The following AGBL1 variants were observed in gnomAD, a reference collection of about 807,000 sequenced individuals.
AGBL1 encodes the protein cytosolic carboxypeptidase 4.
In AGBL1, 130 loss-of-function variants were observed where a neutral mutation model predicts 118.9. The ratio of observed to expected loss-of-function variants is 1.09; its 90% CI spans 0.95 to 1.26. The LOEUF is 1.26. Ranked by LOEUF, AGBL1 falls within the 50% of genes most tolerant of loss-of-function variation. The probability of loss-of-function intolerance (pLI) is 0.00; values close to 1 mark genes in which losing one functional copy is unlikely to be tolerated. For synonymous variants in AGBL1, 555 were observed against 478.9 expected, an observed-to-expected ratio of 1.16 and a Z score of -2.08; for missense variants, 1,584 against 1,298.1, an observed-to-expected ratio of 1.22 and a Z score of -3.38.
intron 18 of AGBL1, among the ~76,000 whole-genome samples, chr15:86,482,836 A>G (rs1222807668): frequency 2.0e-5 from 3 of 151,914 alleles, no homozygotes; most frequent in Non-Finnish European, 4.4e-5. Context: ...CAAAAGCTTC[A>G]TCAGCCAAGC....
At chr15:86,228,348 C>A (rs1177978753) in intron 6 of AGBL1, among the ~76,000 whole-genome samples, 1 of 152,176 alleles carries the variant, frequency 6.6e-6, no homozygotes, top group Non-Finnish European at 1.5e-5. Flanking sequence ...AGGCACACTC[C>A]TTTTAGCTGG....
intron 17 of AGBL1, among the ~76,000 whole-genome samples, chr15:86,356,355 T>TGTGTGCGC (rs151263305): frequency 2.7e-5 from 4 of 150,906 alleles, no homozygotes; most frequent in Non-Finnish European, 5.9e-5. Flanking sequence ...TGTGTGTGTG[T>TGTGTGCGC]GCGCGTGCGC....
At chr15:86,428,345 A>G (rs1388488582) in intron 18 of AGBL1, among the ~76,000 whole-genome samples, 2 of 152,330 alleles carry the variant, frequency 1.3e-5, no homozygotes, top group East Asian at 3.9e-4. Context: ...TGACAGCACA[A>G]TTAACTATCC....
At chr15:86,508,869 T>TA (rs1024307950) in intron 18 of AGBL1, among the ~76,000 whole-genome samples, 10 of 152,144 alleles carry the variant, frequency 6.6e-5, no homozygotes, top group Non-Finnish European at 4.4e-5. Context: ...GAACTGCTTT[T>TA]AAAAAATGCA....
chr15:86,411,833 T>G (rs367831209), intron 18 of AGBL1, among the ~76,000 whole-genome samples: 14 of 152,308 alleles, frequency 9.2e-5, no homozygotes, highest in African/African-American at 3.4e-4. Context: ...GAGTGGAGCT[T>G]AAAGAAGGGG....
intron 22 of AGBL1, among the ~76,000 whole-genome samples, chr15:86,868,784 TA>T (rs1378689254): frequency 2.6e-5 from 4 of 152,250 alleles, no homozygotes; most frequent in African/African-American, 9.6e-5. Context: ...GAACCACTAG[TA>T]GATATTGGTG....
intron 17 of AGBL1, among the ~76,000 whole-genome samples, chr15:86,370,001 T>C (rs1036302091): frequency 7.9e-5 from 12 of 152,166 alleles, no homozygotes; most frequent in Admixed American, 7.9e-4. Flanking sequence ...TTATCAGCAA[T>C]TTAAAAAATC....
intron 21 of AGBL1, among the ~76,000 whole-genome samples, chr15:86,603,148 G>A (rs1210653593): frequency 6.6e-6 from 1 of 152,066 alleles, no homozygotes; most frequent in African/African-American, 2.4e-5. Flanking sequence ...TTTATTCTCA[G>A]AACTCAAGAT....
At chr15:86,280,177 G>T (rs1181244593) in intron 16 of AGBL1, among the ~76,000 whole-genome samples, 1 of 152,208 alleles carries the variant, frequency 6.6e-6, no homozygotes, top group African/African-American at 2.4e-5. Context: ...CAGTCATTCA[G>T]AGGAATGGAG....
intron 6 of AGBL1, among the ~76,000 whole-genome samples, chr15:86,242,551 T>C (rs150754414): frequency 2.0e-5 from 3 of 152,330 alleles, no homozygotes; most frequent in East Asian, 3.9e-4. Flanking sequence ...TGACAGAAAG[T>C]TGAAGGGTCT....
intron 22 of AGBL1, among the ~76,000 whole-genome samples, chr15:86,699,656 T>A (rs2086322417): frequency 6.6e-6 from 1 of 152,098 alleles, no homozygotes; most frequent in South Asian, 2.1e-4. Context: ...TTATCCACTT[T>A]GGGCAAGAAT....
At chr15:86,937,887 T>G (rs1001239715) in intron 23 of AGBL1, among the ~76,000 whole-genome samples, 4 of 152,346 alleles carry the variant, frequency 2.6e-5, no homozygotes, top group Admixed American at 2.6e-4. Flanking sequence ...GGCTCAATCC[T>G]TCTACAGCCT....
chr15:86,292,725 G>T (rs2079566907), intron 16 of AGBL1, among the ~76,000 whole-genome samples: 1 of 152,132 alleles, frequency 6.6e-6, no homozygotes, highest in Non-Finnish European at 1.5e-5. Context: ...GTTTAAGATT[G>T]GTGGACACTG....
chr15:86,240,841 T>C (rs1290960195), intron 6 of AGBL1, among the ~76,000 whole-genome samples: 1 of 152,192 alleles, frequency 6.6e-6, no homozygotes, highest in Non-Finnish European at 1.5e-5. Context: ...TCAGGAATGA[T>C]AGAGGGCCTC....
chr15:86,202,817 C>T (rs1344402865), intron 5 of AGBL1, among the ~76,000 whole-genome samples: 23 of 152,156 alleles, frequency 1.5e-4, no homozygotes, highest in Non-Finnish European at 1.5e-5. Context: ...TTATCACAGG[C>T]AAAGCCCTGG....
chr15:86,481,347 C>G (rs1443226891), intron 18 of AGBL1, among the ~76,000 whole-genome samples: 1 of 152,000 alleles, frequency 6.6e-6, no homozygotes, highest in African/African-American at 2.4e-5. Flanking sequence ...CTGGATCACA[C>G]AAAGGGCTGG....
At chr15:86,370,301 CTTTT>C (rs5814238) in intron 17 of AGBL1, among the ~76,000 whole-genome samples, 1 of 131,030 alleles carries the variant, frequency 7.6e-6, no homozygotes, top group Non-Finnish European at 1.6e-5. Context: ...GTCTCTATTC[CTTTT>C]TTTTTTTTTT....
chr15:86,838,800 TG>T (rs2079203511), intron 22 of AGBL1, among the ~76,000 whole-genome samples: 1 of 151,328 alleles, frequency 6.6e-6, no homozygotes, highest in African/African-American at 2.4e-5. Flanking sequence ...AAAAAATAGT[TG>T]GACATGGTGG....
At chr15:86,221,987 C>T (rs540073199) in intron 5 of AGBL1, among the ~76,000 whole-genome samples, 1 of 152,238 alleles carries the variant, frequency 6.6e-6, no homozygotes, top group South Asian at 2.1e-4. Flanking sequence ...AAACAGTGTG[C>T]CTAGACAGTC....
Sources: gnomAD v4.1 joint callset for allele counts (sites outside exome capture counted in the v4.1 genomes callset) on GRCh38, gnomAD v4.1.1 for gene constraint, MANE v1.5 for transcripts, NCBI Gene and HGNC (gene_info 2026-07-23, HGNC 2026-07-21) for gene names.